The following TMEM108 variants were observed in gnomAD, a reference collection of about 807,000 sequenced individuals.
TMEM108 encodes cancer/testis antigen 124.
In TMEM108, 12 loss-of-function variants were observed where a neutral mutation model predicts 35.1. That is an observed-to-expected ratio of 0.34 (90% CI 0.22 to 0.55). TMEM108 has a LOEUF of 0.55. Ranked by LOEUF, TMEM108 falls within the 20% of genes least tolerant of loss-of-function variation. The probability of loss-of-function intolerance (pLI) is 0.89; values close to 1 mark genes in which losing one functional copy is unlikely to be tolerated. For missense variants in TMEM108, 680 were observed against 753.3 expected, an observed-to-expected ratio of 0.90 and a Z score of 1.14; for synonymous variants, 287 against 308.6, an observed-to-expected ratio of 0.93 and a Z score of 0.73.
intron 2 of TMEM108, among the ~76,000 whole-genome samples, chr3:133,136,491 T>C (rs1378002545): frequency 1.3e-5 from 2 of 152,226 alleles, no homozygotes; most frequent in African/African-American, 4.8e-5. Context: ...AGGGCTTTCT[T>C]TTTGATGTGT....
At chr3:133,073,506 C>CTATA (rs1235632663) in intron 2 of TMEM108, among the ~76,000 whole-genome samples, 81 of 78,952 alleles carry the variant, frequency 1.0e-3, no homozygotes, top group Middle Eastern at 5.6e-3. Context: ...CTCTCTCTCT[C>CTATA]TCTCTATATA....
intron 2 of TMEM108, among the ~76,000 whole-genome samples, chr3:133,093,235 C>A (rs1943971869): frequency 6.6e-6 from 1 of 152,188 alleles, no homozygotes; most frequent in Non-Finnish European, 1.5e-5. Flanking sequence ...AAGCAATCCA[C>A]CTGCCTTGGC....
intron 3 of TMEM108, among the ~76,000 whole-genome samples, chr3:133,245,359 A>G (rs1946370040): frequency 6.6e-6 from 1 of 152,164 alleles, no homozygotes; most frequent in Non-Finnish European, 1.5e-5. Context: ...TTCTTCAAGC[A>G]CTTCAACTTA....
intron 3 of TMEM108, among the ~76,000 whole-genome samples, chr3:133,379,298 C>T (rs1410553774): frequency 6.6e-6 from 1 of 152,198 alleles, no homozygotes; most frequent in African/African-American, 2.4e-5. Context: ...CCAGGCCTTC[C>T]TCATTTGGCT....
intron 3 of TMEM108, among the ~76,000 whole-genome samples, chr3:133,334,863 C>G (rs989193688): frequency 6.6e-6 from 1 of 152,174 alleles, no homozygotes; most frequent in African/African-American, 2.4e-5. Flanking sequence ...TAATGAAGAA[C>G]AGTTCACATT....
At chr3:133,066,347 C>A (rs1294631847) in intron 2 of TMEM108, among the ~76,000 whole-genome samples, 1 of 151,746 alleles carries the variant, frequency 6.6e-6, no homozygotes. Flanking sequence ...TTATTTTATA[C>A]CTTGTTCTAG....
chr3:133,358,965 T>G (rs891428772), intron 3 of TMEM108, among the ~76,000 whole-genome samples: 3 of 152,174 alleles, frequency 2.0e-5, no homozygotes, highest in Non-Finnish European at 2.9e-5. Context: ...GATCAGGAGT[T>G]GGCAAACTAC....
intron 2 of TMEM108, among the ~76,000 whole-genome samples, chr3:133,160,510 TTAAATATTTTAGCC>T (rs1944946005): frequency 6.6e-6 from 1 of 152,224 alleles, no homozygotes; most frequent in Non-Finnish European, 1.5e-5. Context: ...CAGGTTTAGG[TTAAATATTTTAGCC>T]TTGGATGCTG....
chr3:133,237,023 G>A (rs1278986463), intron 3 of TMEM108, among the ~76,000 whole-genome samples: 1 of 152,126 alleles, frequency 6.6e-6, no homozygotes, highest in Admixed American at 6.6e-5. Context: ...ATTTTGAAGT[G>A]ATTTGGTATT....
intron 2 of TMEM108, among the ~76,000 whole-genome samples, chr3:133,172,216 T>C (rs562824364): frequency 1.3e-5 from 2 of 152,180 alleles, no homozygotes; most frequent in Non-Finnish European, 2.9e-5. Context: ...AGCTTACAAA[T>C]GATAGAACAA....
chr3:133,337,641 C>T (rs1044917177), intron 3 of TMEM108, among the ~76,000 whole-genome samples: 8 of 152,038 alleles, frequency 5.3e-5, no homozygotes, highest in South Asian at 2.1e-4. Flanking sequence ...AATGCCCAGA[C>T]GTCGAAGAAC....
chr3:133,147,695 AT>A (rs1283066037), intron 2 of TMEM108, among the ~76,000 whole-genome samples: 1 of 152,116 alleles, frequency 6.6e-6, no homozygotes, highest in East Asian at 1.9e-4. Context: ...TGCTGAGAAG[AT>A]TTTTTTATTT....
chr3:133,227,248 AGTGGCGCAATCTCGG>A (rs1946086772), intron 2 of TMEM108, among the ~76,000 whole-genome samples: 2 of 126,438 alleles, frequency 1.6e-5, no homozygotes, highest in African/African-American at 3.1e-5. Context: ...GCTGGAGTGC[AGTGGCGCAATCTCGG>A]CTCACTGCAG....
At chr3:133,170,947 C>T (rs1157709863) in intron 2 of TMEM108, among the ~76,000 whole-genome samples, 5 of 152,120 alleles carry the variant, frequency 3.3e-5, no homozygotes, top group Admixed American at 3.3e-4. Flanking sequence ...AACATTCAGA[C>T]AAGTGATGAA....
chr3:133,263,901 G>A lies in TMEM108; in HGVS notation c.40+34550G>A, dbSNP rs193107253. Among the ~76,000 whole-genome samples the A allele has an allele frequency of 1.8e-4, 27 of 152,254 alleles. No homozygotes were observed. In the East Asian group the frequency reaches 3.9e-3, roughly 22 times the overall value. ...AGAGCAGTTATTTTGTCTGTTTATG[G>A]AATAGACATTCTTTCATCCTGCAAA... is the stretch of plus-strand genomic sequence containing the variant. On this transcript the variant is annotated intron_variant, in intron 3 of 5. Coordinates refer to ENST00000321871, the MANE Select transcript of TMEM108 (RefSeq NM_023943.4).
intron 2 of TMEM108, among the ~76,000 whole-genome samples, chr3:133,130,138 A>C (rs558720594): frequency 6.6e-6 from 1 of 152,226 alleles, no homozygotes; most frequent in East Asian, 1.9e-4. Flanking sequence ...ATACAGTGCT[A>C]TCATTTTGGT....
chr3:133,200,877 G>A (rs6807463), intron 2 of TMEM108, among the ~76,000 whole-genome samples: 3,372 of 152,240 alleles, frequency 0.022, 124 homozygotes, highest in African/African-American at 0.075. Context: ...AACTAAACAT[G>A]TTTGTTTTAA....
At chr3:133,313,718 C>T (rs1485271975) in intron 3 of TMEM108, among the ~76,000 whole-genome samples, 4 of 152,032 alleles carry the variant, frequency 2.6e-5, no homozygotes, top group African/African-American at 9.7e-5. Context: ...GTTCAGTTTC[C>T]CCACTGTGTA....
At chr3:133,073,532 A>C (rs189096261) in intron 2 of TMEM108, among the ~76,000 whole-genome samples, 3 of 134,410 alleles carry the variant, frequency 2.2e-5, no homozygotes, top group East Asian at 4.2e-4. Context: ...ATATATATAT[A>C]TATCACATTT....
Sources: allele counts gnomAD v4.1 joint callset (sites outside exome capture counted in the v4.1 genomes callset), GRCh38; gene constraint gnomAD v4.1.1; transcripts MANE v1.5; gene names NCBI Gene and HGNC (gene_info 2026-07-23, HGNC 2026-07-21).